TAFA2: variants seen among roughly 807,000 people sequenced by gnomAD.
TAFA2 encodes chemokine-like protein TAFA-2.
Under a neutral mutation model 18.8 loss-of-function variants are expected in TAFA2, and 7 were observed. The ratio of observed to expected loss-of-function variants is 0.37; its 90% confidence interval spans 0.21 to 0.70. The LOEUF is 0.70. Ranked by LOEUF, TAFA2 falls within the 30% of genes least tolerant of loss-of-function variation. The pLI is 0.53. For synonymous variants in TAFA2, 60 were observed against 54.2 expected (o/e 1.11, Z -0.47); for missense variants, 122 against 158.1 (o/e 0.77, Z 1.23).
chr12:62,235,227 C>A, intron 1 of TAFA2: 1 of 661,408 alleles, frequency 1.5e-6, no homozygotes. Context: ...GTAGCTCACG[C>A]CATGCTCAGG....
rs535461169 is a variant in TAFA2 at position 61,897,679 on chromosome 12, C to T, written c.-1-30253G>A. On this transcript the variant is annotated intron_variant, in intron 1 of 4. Transcript: ENST00000416284. ...TCCAATCACCTCCCACCTGGTCCCT[C>T]CCTTGACACATGGGGAATATGGGGA... Among the ~76,000 whole-genome samples, 407 of 152,284 alleles carry T rather than the reference C, an allele frequency of 2.7e-3. 1 individual carries two copies. Among genetic ancestry groups the T allele is most frequent in the Non-Finnish European group, 4.7e-3 (322 of 68,030 alleles).
chr12:61,929,406 G>A (rs1877454428), intron 1 of TAFA2, among the ~76,000 whole-genome samples: 1 of 152,102 alleles, frequency 6.6e-6, no homozygotes, highest in Admixed American at 6.5e-5. Flanking sequence ...ATGAAAAAAT[G>A]CTCATCATCA....
chr12:61,737,413 A>G (rs542638610), intron 4 of TAFA2, among the ~76,000 whole-genome samples: 1 of 152,040 alleles, frequency 6.6e-6, no homozygotes, highest in African/African-American at 2.4e-5. Flanking sequence ...CACATACTGA[A>G]TGTTTATCTA....
intron 1 of TAFA2, among the ~76,000 whole-genome samples, chr12:62,054,323 C>A (rs1882132130): frequency 6.6e-6 from 1 of 152,156 alleles, no homozygotes; most frequent in Non-Finnish European, 1.5e-5. Context: ...GCCCTTTTCA[C>A]CATTAATGTC....
At chr12:62,205,280 T>C (rs1277993583) in intron 1 of TAFA2, among the ~76,000 whole-genome samples, 1 of 152,186 alleles carries the variant, frequency 6.6e-6, no homozygotes, top group Non-Finnish European at 1.5e-5. Flanking sequence ...TGGTGACCAC[T>C]CTTGGGGGGG....
chr12:61,980,238 C>T (rs967706061), intron 1 of TAFA2, among the ~76,000 whole-genome samples: 2 of 151,886 alleles, frequency 1.3e-5, no homozygotes, highest in African/African-American at 4.8e-5. Context: ...AAAAGTCCCT[C>T]GACAAAATTC....
At chr12:61,847,250 T>C (rs1873445697) in intron 2 of TAFA2, among the ~76,000 whole-genome samples, 1 of 152,250 alleles carries the variant, frequency 6.6e-6, no homozygotes, top group Admixed American at 6.5e-5. Context: ...AAATACTCAC[T>C]GTGTTCACAA....
chr12:62,019,364 A>G (rs1446675962), intron 1 of TAFA2, among the ~76,000 whole-genome samples: 3 of 148,878 alleles, frequency 2.0e-5, no homozygotes, highest in Admixed American at 6.7e-5. Flanking sequence ...TGCTATAAAG[A>G]CACATGCACA....
At chr12:61,729,424 T>G (rs964718497) in intron 4 of TAFA2, among the ~76,000 whole-genome samples, 1 of 151,790 alleles carries the variant, frequency 6.6e-6, no homozygotes, top group Non-Finnish European at 1.5e-5. Context: ...ATTTTTTAAA[T>G]TTTTTTCTTT....
intron 1 of TAFA2, among the ~76,000 whole-genome samples, chr12:62,085,942 G>A (rs1009979322): frequency 3.9e-5 from 6 of 151,978 alleles, no homozygotes; most frequent in African/African-American, 1.4e-4. Flanking sequence ...AAAAGAGTGT[G>A]GCACTTCCCT....
intron 2 of TAFA2, among the ~76,000 whole-genome samples, chr12:61,803,777 C>T (rs185895570): frequency 1.4e-4 from 22 of 152,026 alleles, no homozygotes; most frequent in Middle Eastern, 3.4e-3. Context: ...TGCTATTATA[C>T]ATCACTGAAA....
At position 61,858,310 on chromosome 12, in the gene TAFA2, C is replaced by G. The variant is rs147910775; in HGVS notation, c.106+9010G>C. 1.1e-4 allele frequency among the ~76,000 whole-genome samples: 16 copies of G among 152,242 alleles called. No homozygotes were observed. In the East Asian group the frequency reaches 2.9e-3, roughly 28 times the overall value. ...CACCAATTTCCTGTTTTAAACTGCC[C>G]TACCACGATTGCAATTTTCCTGACT... On this transcript the variant is annotated intron_variant, in intron 2 of 4. Transcript: ENST00000416284.
chr12:62,128,630 A>G (rs1303539377), intron 1 of TAFA2, among the ~76,000 whole-genome samples: 1 of 152,004 alleles, frequency 6.6e-6, no homozygotes, highest in Non-Finnish European at 1.5e-5. Context: ...TGTCCCTGAC[A>G]TCTCTTTCCA....
intron 1 of TAFA2, among the ~76,000 whole-genome samples, chr12:62,121,144 C>T (rs963457321): frequency 1.3e-5 from 2 of 152,124 alleles, no homozygotes; most frequent in Non-Finnish European, 2.9e-5. Context: ...TTCAATCTCT[C>T]CTCACCTCAA....
At chr12:62,189,327 C>T (rs1565774789) in intron 1 of TAFA2, among the ~76,000 whole-genome samples, 1 of 152,054 alleles carries the variant, frequency 6.6e-6, no homozygotes, top group Non-Finnish European at 1.5e-5. Flanking sequence ...TAATACAATC[C>T]AACTTTTTTA....
At chr12:62,134,820 C>T (rs1230872477) in intron 1 of TAFA2, among the ~76,000 whole-genome samples, 1 of 152,012 alleles carries the variant, frequency 6.6e-6, no homozygotes, top group Non-Finnish European at 1.5e-5. Flanking sequence ...TCTATATTCT[C>T]TAGCTATATA....
intron 2 of TAFA2, among the ~76,000 whole-genome samples, chr12:61,775,424 T>A (rs1388104638): frequency 1.3e-5 from 2 of 151,622 alleles, no homozygotes; most frequent in African/African-American, 4.8e-5. Context: ...GATGAATAGA[T>A]AAACTGTGGT....
intron 1 of TAFA2, among the ~76,000 whole-genome samples, chr12:62,228,042 C>CATACACATGTATAT (rs1212226039): frequency 6.6e-6 from 1 of 152,094 alleles, no homozygotes; most frequent in African/African-American, 2.4e-5. Flanking sequence ...TTTGTATATA[C>CATACACATGTATAT]ACATACACAT....
chr12:62,119,275 G>C (rs1211703084), intron 1 of TAFA2, among the ~76,000 whole-genome samples: 1 of 151,940 alleles, frequency 6.6e-6, no homozygotes, highest in African/African-American at 2.4e-5. Flanking sequence ...GTTATATAAT[G>C]TTTTCTTAAA....
Sources: gnomAD v4.1 joint callset for allele counts (sites outside exome capture counted in the v4.1 genomes callset) on GRCh38, gnomAD v4.1.1 for gene constraint, MANE v1.5 for transcripts, NCBI Gene and HGNC (gene_info 2026-07-23, HGNC 2026-07-21) for gene names.